The following ADAM18 variants were observed in gnomAD, a reference collection of about 807,000 sequenced individuals.
The protein encoded by ADAM18 is disintegrin and metalloproteinase domain-containing protein 18.
A neutral mutation model predicts 94.4 loss-of-function variants in ADAM18; 117 were observed. The observed-to-expected ratio is 1.24, with a 90% CI of 1.07 to 1.45. The LOEUF (loss-of-function observed/expected upper bound fraction) is 1.45. Ranked by LOEUF, ADAM18 falls within the 40% of genes most tolerant of loss-of-function variation. The probability of loss-of-function intolerance (pLI) is 0.00; values close to 1 mark genes in which losing one functional copy is unlikely to be tolerated. For missense variants in ADAM18, 936 were observed against 880.0 expected, an observed-to-expected ratio of 1.06 and a Z score of -0.81; for synonymous variants, 327 against 291.6, an observed-to-expected ratio of 1.12 and a Z score of -1.24.
chr8:39,687,024 T>G (rs1442622666), intron 16 of ADAM18, among the ~76,000 whole-genome samples: 1 of 152,214 alleles, frequency 6.6e-6, no homozygotes, highest in Admixed American at 6.5e-5. Context: ...TGAAATATCT[T>G]TTGTCCAACT....
At chr8:39,588,477 A>G (rs923486244) in intron 2 of ADAM18, among the ~76,000 whole-genome samples, 33 of 152,146 alleles carry the variant, frequency 2.2e-4, no homozygotes, top group African/African-American at 8.0e-4. Flanking sequence ...TTTGGATATT[A>G]GCTCTTTGTC....
intron 12 of ADAM18, among the ~76,000 whole-genome samples, chr8:39,655,316 T>G (rs1203230615): frequency 6.6e-6 from 1 of 152,160 alleles, no homozygotes; most frequent in African/African-American, 2.4e-5. Flanking sequence ...GTTGGATATA[T>G]CCATATTTCT....
At chr8:39,637,150 T>C in intron 7 of ADAM18, 114 bp from the exon 8 acceptor site, 4 of 704,054 alleles carry the variant, frequency 5.7e-6, no homozygotes, top group Non-Finnish European at 6.6e-6. Flanking sequence ...CATTCTCCTA[T>C]GTACTTTAAA....
At chr8:39,606,116 C>T (rs994267376) in intron 2 of ADAM18, among the ~76,000 whole-genome samples, 191 bp from the exon 3 acceptor site, 1 of 152,000 alleles carries the variant, frequency 6.6e-6, no homozygotes, top group Non-Finnish European at 1.5e-5. Flanking sequence ...AAAAGTCACC[C>T]CACACATTAA....
At chr8:39,676,109 C>T (rs994358746) in intron 14 of ADAM18, among the ~76,000 whole-genome samples, 1 of 152,190 alleles carries the variant, frequency 6.6e-6, no homozygotes, top group African/African-American at 2.4e-5. Flanking sequence ...GATCAGGGAT[C>T]CACTTGAGGA....
In ADAM18 at chr8:39,690,123, C is replaced by T. The variant is rs79468117; in HGVS notation, c.1822-2477C>T. Among the ~76,000 whole-genome samples the T allele has an allele frequency of 3.3e-5, 5 of 152,216 alleles. No homozygotes were observed. In the East Asian group the frequency reaches 9.7e-4, roughly 29 times the overall value. On this transcript the variant is annotated intron_variant, in intron 16 of 19. Coordinates refer to ENST00000265707, the MANE Select transcript of ADAM18 (RefSeq NM_014237.3). ...AAGCTTTTGCGCTGAGAGGATGGTC[C>T]TTTGAGGTTGAGCTCCAGTTGGGCT... is the stretch of plus-strand genomic sequence containing the variant.
intron 14 of ADAM18, among the ~76,000 whole-genome samples, chr8:39,669,029 G>C (rs955717707): frequency 5.9e-5 from 9 of 151,690 alleles, no homozygotes; most frequent in Non-Finnish European, 1.2e-4. Flanking sequence ...TTTTCTGTGT[G>C]CTATTTTTCT....
intron 6 of ADAM18, among the ~76,000 whole-genome samples, chr8:39,615,633 T>C (rs569855016): frequency 2.0e-5 from 3 of 152,176 alleles, no homozygotes; most frequent in African/African-American, 7.2e-5. Flanking sequence ...CTGGAAGCAT[T>C]CCTCTTAAGA....
intron 18 of ADAM18, among the ~76,000 whole-genome samples, chr8:39,708,062 G>C (rs1212973837): frequency 6.6e-6 from 1 of 152,174 alleles, no homozygotes; most frequent in African/African-American, 2.4e-5. Flanking sequence ...GAATGATTCA[G>C]GTCCTGGGTG....
At position 39,609,035 on chromosome 8, in the gene ADAM18, T is replaced by C. The variant is rs764351937; in HGVS notation, c.189-7T>C. The C allele has an allele frequency of 1.3e-6, 2 of 1,517,590 alleles. No homozygotes were observed. Among genetic ancestry groups the C allele is most frequent in the African/African-American group, 2.8e-5 (2 of 71,066 alleles). 94.0% of individuals were successfully genotyped at this position (1,517,590 alleles called of 1,614,324 possible). On this transcript the variant is annotated splice_region_variant and splice_polypyrimidine_tract_variant and intron_variant, in intron 3 of 19. Coordinates refer to ENST00000265707, the MANE Select transcript of ADAM18 (RefSeq NM_014237.3). ...TCATACTTTTTTATTATTTCTTGGT[T>C]TTTTAGATCATTCTTACCCCAGAAC...
At chr8:39,702,734 A>G (rs1172025730) in intron 17 of ADAM18, among the ~76,000 whole-genome samples, 4 of 152,176 alleles carry the variant, frequency 2.6e-5, no homozygotes, top group Middle Eastern at 3.2e-3. Flanking sequence ...CATTTGTTGA[A>G]TAGAGTATCC....
At chr8:39,699,286 A>T (rs568680292) in intron 17 of ADAM18, among the ~76,000 whole-genome samples, 2 of 152,264 alleles carry the variant, frequency 1.3e-5, no homozygotes, top group East Asian at 3.9e-4. Flanking sequence ...CATCATATTC[A>T]TTCTACGTTC....
chr8:39,625,855 G>A (rs182285258), intron 6 of ADAM18, among the ~76,000 whole-genome samples: 7 of 152,144 alleles, frequency 4.6e-5, no homozygotes, highest in Admixed American at 6.5e-5. Context: ...CATCCCTCCT[G>A]CATCCCTGAG....
intron 16 of ADAM18, among the ~76,000 whole-genome samples, chr8:39,682,383 G>C (rs1006054228): frequency 6.6e-6 from 1 of 152,206 alleles, no homozygotes; most frequent in Non-Finnish European, 1.5e-5. Flanking sequence ...AATACAAAAT[G>C]AAAGGAGGCT....
chr8:39,596,170 C>T (rs1259585883), intron 2 of ADAM18, among the ~76,000 whole-genome samples: 1 of 152,124 alleles, frequency 6.6e-6, no homozygotes, highest in Non-Finnish European at 1.5e-5. Context: ...ATGTTTGTTT[C>T]AATTAACAAA....
At chr8:39,696,324 A>G (rs1821927693) in intron 17 of ADAM18, among the ~76,000 whole-genome samples, 1 of 151,442 alleles carries the variant, frequency 6.6e-6, no homozygotes, top group African/African-American at 2.4e-5. Context: ...TTTCCATTCT[A>G]AATGTTGTCT....
chr8:39,596,013 A>AT (rs1457811996), intron 2 of ADAM18, among the ~76,000 whole-genome samples: 1 of 152,136 alleles, frequency 6.6e-6, no homozygotes, highest in African/African-American at 2.4e-5. Flanking sequence ...TCCATTTTTA[A>AT]TTTCAAGAAT....
chr8:39,620,375 C>CAAAAAAAAAAAAAAAAAAAAACCA (rs376218269), intron 6 of ADAM18, among the ~76,000 whole-genome samples: 4 of 88,792 alleles, frequency 4.5e-5, no homozygotes, highest in South Asian at 3.3e-4. Flanking sequence ...AAAAAAAAAA[C>CAAAAAAAAAAAAAAAAAAAAACCA]AAAAAAAAAT....
chr8:39,630,592 T>A (rs1424207131), intron 7 of ADAM18, among the ~76,000 whole-genome samples: 1 of 151,888 alleles, frequency 6.6e-6, no homozygotes, highest in African/African-American at 2.4e-5. Context: ...TAATATAATG[T>A]CTTTAAGATT....
Sources: gnomAD v4.1 joint callset for allele counts (sites outside exome capture counted in the v4.1 genomes callset) on GRCh38, gnomAD v4.1.1 for gene constraint, MANE v1.5 for transcripts, NCBI Gene and HGNC (gene_info 2026-07-23, HGNC 2026-07-21) for gene names.